Variants in GRHL2 observed in about 807,000 individuals in gnomAD.
The protein encoded by GRHL2 is grainyhead-like protein 2 homolog.
In GRHL2, 21 loss-of-function variants were observed where a neutral mutation model predicts 83.8. The observed-to-expected ratio is 0.25, with a 90% CI of 0.18 to 0.36. The LOEUF (loss-of-function observed/expected upper bound fraction) is 0.36, where lower values mean the gene tolerates loss of function less well. Ranked by LOEUF, GRHL2 falls within the 10% of genes least tolerant of loss-of-function variation. GRHL2 has a pLI of 1.00. For synonymous variants in GRHL2, 280 were observed against 278.9 expected (o/e 1.00, Z -0.04); for missense variants, 623 against 781.8 (o/e 0.80, Z 2.42).
downstream of GRHL2, among the ~76,000 whole-genome samples, chr8:101,672,810 C>A (rs534636837): frequency 7.7e-3 from 1,163 of 151,708 alleles, 14 homozygotes; most frequent in African/African-American, 0.025. Context: ...AGAGAAAGGT[C>A]GGGTTACCCT....
At chr8:101,602,391 G>C (rs1156532316) in intron 8 of GRHL2, among the ~76,000 whole-genome samples, 1 of 152,198 alleles carries the variant, frequency 6.6e-6, no homozygotes, top group Non-Finnish European at 1.5e-5. Flanking sequence ...GGTAACGTCT[G>C]CACAGAAACT....
the GRHL2 span, among the ~76,000 whole-genome samples, chr8:101,676,901 G>A: frequency 6.6e-6 from 1 of 152,096 alleles, no homozygotes; most frequent in African/African-American, 2.4e-5. Context: ...ATGAGTTCAT[G>A]TCCTTTGTAG....
At chr8:101,524,946 A>G (rs1444683410) in intron 1 of GRHL2, among the ~76,000 whole-genome samples, 2 of 125,736 alleles carry the variant, frequency 1.6e-5, no homozygotes, top group African/African-American at 5.0e-5. Flanking sequence ...ATTGATCAAC[A>G]TATCTTTTTT....
chr8:101,549,115 C>T (rs1309796223), intron 2 of GRHL2, among the ~76,000 whole-genome samples: 3 of 151,658 alleles, frequency 2.0e-5, no homozygotes, highest in Non-Finnish European at 4.4e-5. Context: ...CACAAGTTAG[C>T]CTGGAGAAGG....
intron 1 of GRHL2, among the ~76,000 whole-genome samples, chr8:101,507,777 T>C (rs1167320596): frequency 2.1e-5 from 3 of 144,982 alleles, no homozygotes; most frequent in Non-Finnish European, 4.6e-5. Context: ...TCCCTTTTTT[T>C]TTTTTTTTTT....
chr8:101,631,843 G>A (rs1340240755), intron 10 of GRHL2, 119 bp downstream of exon 10: 5 of 824,534 alleles, frequency 6.1e-6, no homozygotes, highest in African/African-American at 1.7e-5. Context: ...GGCATGGTTT[G>A]CTTTCCCCTG....
chr8:101,560,009 T>C (rs1026187368), intron 4 of GRHL2, among the ~76,000 whole-genome samples: 2 of 152,190 alleles, frequency 1.3e-5, no homozygotes, highest in Non-Finnish European at 2.9e-5. Flanking sequence ...CTTTTTTGTT[T>C]GTTTGTTTGT....
chr8:101,510,498 A>G (rs1388065863), intron 1 of GRHL2, among the ~76,000 whole-genome samples: 1 of 152,160 alleles, frequency 6.6e-6, no homozygotes, highest in Non-Finnish European at 1.5e-5. Flanking sequence ...TAGGCATAAA[A>G]TCTTTCAAGA....
chr8:101,619,618 T>C lies in GRHL2; in HGVS notation c.1178T>C (p.Ile393Thr). ...AAAGGACTTCCTTTGATGATTCAGATTGACACATACAGTTATAACAATCGT... is the reference window on the plus strand; with the variant it reads ...AAAGGACTTCCTTTGATGATTCAGACTGACACATACAGTTATAACAATCGT... ...GVKGLPLMIQIDTYSYNNRSN... is the reference protein window; with the variant it reads ...GVKGLPLMIQTDTYSYNNRSN... The change falls in exon 9 of 16, where the codon ATT (isoleucine) becomes ACT (threonine). Residue 393 changes from isoleucine (I) to threonine (T), a missense_variant. Transcript: ENST00000646743. 6.2e-7 allele frequency: 1 copy of C among 1,613,150 alleles called. No homozygotes were observed. The highest frequency in any genetic ancestry group is 8.5e-7 in the Non-Finnish European group (1 of 1,179,164).
chr8:101,642,748 C>G (rs1813427508), intron 12 of GRHL2, among the ~76,000 whole-genome samples: 1 of 152,180 alleles, frequency 6.6e-6, no homozygotes, highest in Non-Finnish European at 1.5e-5. Context: ...TCACACCCTT[C>G]CTCATTATCT....
At chr8:101,592,030 G>C (rs1586126220) in intron 7 of GRHL2, among the ~76,000 whole-genome samples, 2 of 151,488 alleles carry the variant, frequency 1.3e-5, no homozygotes, top group Non-Finnish European at 2.9e-5. Context: ...AAGGGGAACT[G>C]TCACATGGAC....
At chr8:101,604,016 TTG>T (rs1442116976) in intron 8 of GRHL2, among the ~76,000 whole-genome samples, 2 of 51,412 alleles carry the variant, frequency 3.9e-5, no homozygotes, top group Non-Finnish European at 3.4e-5. Context: ...AGTTTTTTTT[TTG>T]CAAAAAAAAA....
At chr8:101,664,634 T>C (rs576920631) in intron 15 of GRHL2, 116 bp downstream of exon 15, 2 of 758,834 alleles carry the variant, frequency 2.6e-6, no homozygotes, top group African/African-American at 3.5e-5. Flanking sequence ...TCATAAAAAT[T>C]GTGTCCTTCT....
chr8:101,672,503 A>T (rs1345421447), downstream of GRHL2, among the ~76,000 whole-genome samples: 3 of 151,744 alleles, frequency 2.0e-5, no homozygotes, highest in African/African-American at 7.3e-5. Context: ...AAGTTTACAG[A>T]AAAAAGAATA....
Position 101,669,458 on chromosome 8 carries a change from ATGTT to A in GRHL2, c.*2757_*2760del, listed in dbSNP as rs1165678135. 1.3e-5 allele frequency: 2 copies of A among 152,412 alleles called. No homozygotes were observed. Among genetic ancestry groups the A allele is most frequent in the African/African-American group, 2.4e-5 (1 of 41,402 alleles). 9.4% of individuals were successfully genotyped at this position (152,412 alleles called of 1,614,324 possible). On this transcript the variant is annotated 3_prime_UTR_variant, in exon 16 of 16. Coordinates refer to ENST00000646743, the MANE Select transcript of GRHL2 (RefSeq NM_024915.4). ...ACTTAGGAAGCATGAAATAAATCAAATGTTTATTTTCCTTCTTATTTAAAATCAT... is the reference window on the plus strand; with the variant it reads ...ACTTAGGAAGCATGAAATAAATCAAATATTTTCCTTCTTATTTAAAATCAT...
chr8:101,536,979 T>C (rs1811057401), intron 1 of GRHL2, among the ~76,000 whole-genome samples: 1 of 151,854 alleles, frequency 6.6e-6, no homozygotes, highest in South Asian at 2.1e-4. Context: ...TCTCTTTGAG[T>C]CCATTTGTTC....
chr8:101,669,969 T>C (rs763477637), downstream of GRHL2, among the ~76,000 whole-genome samples: 42 of 151,898 alleles, frequency 2.8e-4, no homozygotes, highest in South Asian at 1.9e-3. Flanking sequence ...AGGGTGGTTA[T>C]TCTTGGCCAG....
chr8:101,648,642 C>T (rs999167890), intron 13 of GRHL2, among the ~76,000 whole-genome samples: 9 of 152,246 alleles, frequency 5.9e-5, no homozygotes, highest in African/African-American at 2.2e-4. Context: ...CAAACCCAGC[C>T]CCGTGGGACT....
At chr8:101,567,555 C>T (rs1207579610) in intron 4 of GRHL2, among the ~76,000 whole-genome samples, 1 of 152,094 alleles carries the variant, frequency 6.6e-6, no homozygotes, top group Non-Finnish European at 1.5e-5. Flanking sequence ...GATAATGTAA[C>T]AGAATTGAAG....
Sources: gnomAD v4.1 joint callset for allele counts (sites outside exome capture counted in the v4.1 genomes callset) on GRCh38, gnomAD v4.1.1 for gene constraint, MANE v1.5 for transcripts, NCBI Gene and HGNC (gene_info 2026-07-23, HGNC 2026-07-21) for gene names.